CELF2: variants seen among roughly 807,000 people sequenced by gnomAD.
CELF2 encodes CUGBP Elav-like family member 2, also known as CUG triplet repeat RNA-binding protein 2.
In CELF2, 8 loss-of-function variants were observed where a neutral mutation model predicts 62.6. The observed-to-expected ratio is 0.13, with a 90% CI of 0.07 to 0.23. The LOEUF is 0.23. Among genes scored for constraint, CELF2 ranks in the 10% least tolerant of loss-of-function variants. The probability of loss-of-function intolerance (pLI) is 1.00; values close to 1 mark genes in which losing one functional copy is unlikely to be tolerated. For missense variants in CELF2, 333 were observed against 671.0 expected, an observed-to-expected ratio of 0.50 and a Z score of 5.56; for synonymous variants, 258 against 250.0, an observed-to-expected ratio of 1.03 and a Z score of -0.30.
the CELF2 span, among the ~76,000 whole-genome samples, chr10:10,492,385 C>T: frequency 6.6e-6 from 1 of 152,176 alleles, no homozygotes; most frequent in Non-Finnish European, 1.5e-5. Flanking sequence ...GGGTGCAGCA[C>T]ACCAACATGG....
chr10:10,570,335 G>A, the CELF2 span, among the ~76,000 whole-genome samples: 1 of 146,918 alleles, frequency 6.8e-6, no homozygotes, highest in Non-Finnish European at 1.5e-5. Flanking sequence ...CCAAAAGCAA[G>A]TGAGAGACAG....
chr10:10,514,293 G>A, the CELF2 span, among the ~76,000 whole-genome samples: 11 of 152,170 alleles, frequency 7.2e-5, no homozygotes, highest in Non-Finnish European at 1.5e-4. Flanking sequence ...CTAACTGATC[G>A]ATTCATGGAA....
chr10:11,298,740 T>G (rs1019102206), intron 9 of CELF2, among the ~76,000 whole-genome samples: 1 of 152,130 alleles, frequency 6.6e-6, no homozygotes, highest in African/African-American at 2.4e-5. Context: ...GGTGCTTTTT[T>G]AAAAAAACGA....
Position 11,332,592 on chromosome 10 carries a change from C to T in CELF2, c.*3539C>T, listed in dbSNP as rs1426702468. 1 of 150,750 alleles carries T rather than the reference C, an allele frequency of 6.6e-6. No individual in the cohort carries two copies. Among genetic ancestry groups the T allele is most frequent in the African/African-American group, 2.5e-5 (1 of 39,620 alleles). 9.3% of individuals were successfully genotyped at this position (150,750 alleles called of 1,614,324 possible). ...TGTCTTGACAAATCCTAATGTCACG[C>T]CTACAGCCCCAACACAAGCTCCAGT... On this transcript the variant is annotated 3_prime_UTR_variant, in exon 13 of 13. Coordinates refer to ENST00000633077, the MANE Select transcript of CELF2 (RefSeq NM_001326342.2).
chr10:11,089,557 C>T (rs867181484), intron 1 of CELF2, among the ~76,000 whole-genome samples: 3 of 152,018 alleles, frequency 2.0e-5, no homozygotes, highest in East Asian at 1.9e-4. Context: ...GAATGAAGAG[C>T]GTGAAGACAG....
intron 2 of CELF2, among the ~76,000 whole-genome samples, chr10:10,963,920 T>C (rs755310048): frequency 7.9e-5 from 12 of 152,124 alleles, no homozygotes; most frequent in Admixed American, 1.3e-4. Context: ...ATTTCCTGAG[T>C]TCTCTCCATA....
At chr10:11,114,861 A>G (rs1467867571) in intron 1 of CELF2, among the ~76,000 whole-genome samples, 3 of 152,232 alleles carry the variant, frequency 2.0e-5, no homozygotes, top group Admixed American at 2.0e-4. Context: ...ACATACAACT[A>G]AAACATCACA....
intron 2 of CELF2, among the ~76,000 whole-genome samples, chr10:11,167,832 A>C (rs2067682209): frequency 6.6e-6 from 1 of 152,216 alleles, no homozygotes. Flanking sequence ...GTCCTTACCA[A>C]AATCCAGAAG....
At position 11,247,189 on chromosome 10, in the gene CELF2, ACTT is replaced by A. The variant is rs1297787790; in HGVS notation, c.355-1958_355-1956del. Among the ~76,000 whole-genome samples the A allele has an allele frequency of 6.6e-6, 1 of 152,084 alleles. No homozygotes were observed. Among genetic ancestry groups the A allele is most frequent in the African/African-American group, 2.4e-5 (1 of 41,408 alleles). On this transcript the variant is annotated intron_variant, in intron 3 of 12. Transcript: ENST00000633077. The surrounding 1 kb of genome is among the most constrained non-coding windows in gnomAD (Gnocchi z 5.4). ...GAATTTCGATCTTGTTTCCTTTGTTACTTCTTCTGTACCTGACCACATACTTTC... is the reference window on the plus strand; with the variant it reads ...GAATTTCGATCTTGTTTCCTTTGTTACTTCTGTACCTGACCACATACTTTC...
At chr10:10,531,170 C>T in the CELF2 span, among the ~76,000 whole-genome samples, 1 of 152,228 alleles carries the variant, frequency 6.6e-6, no homozygotes, top group Non-Finnish European at 1.5e-5. Context: ...CTTGTGGTCA[C>T]ACATCATCCC....
chr10:11,190,542 C>T (rs757111766), intron 2 of CELF2, among the ~76,000 whole-genome samples: 2 of 151,114 alleles, frequency 1.3e-5, no homozygotes, highest in Admixed American at 6.6e-5. Context: ...AAGCATGGTA[C>T]GTGGTTCAAG....
At chr10:11,287,287 A>G (rs1199714333) in intron 8 of CELF2, among the ~76,000 whole-genome samples, 1 of 152,052 alleles carries the variant, frequency 6.6e-6, no homozygotes, top group African/African-American at 2.4e-5. Flanking sequence ...CCATTGTTTC[A>G]TGCTTCTCAC....
At chr10:10,809,162 G>A (rs2055568924) in intron 1 of CELF2, among the ~76,000 whole-genome samples, 2 of 152,096 alleles carry the variant, frequency 1.3e-5, no homozygotes, top group African/African-American at 4.8e-5. Context: ...TCGTGCTTGT[G>A]CATACTCTTT....
At chr10:11,024,587 C>T (rs1055138892) in intron 1 of CELF2, among the ~76,000 whole-genome samples, 1 of 152,004 alleles carries the variant, frequency 6.6e-6, no homozygotes, top group Non-Finnish European at 1.5e-5. Context: ...GGCGACAGAG[C>T]AAGACTCCGT....
intron 7 of CELF2, among the ~76,000 whole-genome samples, chr10:11,272,998 G>A (rs1460634138): frequency 1.3e-5 from 2 of 152,122 alleles, no homozygotes; most frequent in Admixed American, 1.3e-4. Context: ...ACCGAAATAA[G>A]GCCTTGCTAT....
At chr10:10,726,685 G>C in the CELF2 span, among the ~76,000 whole-genome samples, 1 of 152,144 alleles carries the variant, frequency 6.6e-6, no homozygotes, top group Non-Finnish European at 1.5e-5. Context: ...GGGGGAAAAT[G>C]TTTAAATGTT....
Position 10,911,247 on chromosome 10 carries a change from C to T in CELF2, c.54-8717C>T, listed in dbSNP as rs548553541. ...AGCCAGGGCCGGATGGGCTCCTCTG[C>T]GGAGGTGATTAAGAGAAACCTTTGG... On this transcript the variant is annotated intron_variant, in intron 1 of 13. Transcript: ENST00000636488. 5.8e-4 allele frequency among the ~76,000 whole-genome samples: 89 copies of T among 152,286 alleles called. 1 individual carries two copies. In the South Asian group the frequency reaches 0.016, roughly 27 times the overall value.
chr10:10,669,818 C>A, the CELF2 span, among the ~76,000 whole-genome samples: 16 of 152,014 alleles, frequency 1.1e-4, no homozygotes, highest in East Asian at 3.1e-3. Context: ...TCTTAAAGAG[C>A]TTACACACTT....
chr10:11,175,031 A>G (rs921687785), intron 2 of CELF2, among the ~76,000 whole-genome samples: 2 of 151,604 alleles, frequency 1.3e-5, no homozygotes, highest in African/African-American at 4.9e-5. Flanking sequence ...AGGGATATTT[A>G]TGAAAGCTAG....
Sources: allele counts gnomAD v4.1 joint callset (sites outside exome capture counted in the v4.1 genomes callset), GRCh38; gene constraint gnomAD v4.1.1; non-coding constraint Gnocchi (gnomAD v3.1); transcripts MANE v1.5; gene names NCBI Gene and HGNC (gene_info 2026-07-23, HGNC 2026-07-21).